ASAP1: variants seen among roughly 807,000 people sequenced by gnomAD.
The protein encoded by ASAP1 is ArfGAP with SH3 domain, ankyrin repeat and PH domain 1, also known as arf-GAP with SH3 domain, ANK repeat and PH domain-containing protein 1.
ASAP1 carries 43 observed loss-of-function variants against 145.2 expected under a neutral mutation model. The observed-to-expected ratio is 0.30, with a 90% CI of 0.23 to 0.38. The LOEUF (loss-of-function observed/expected upper bound fraction) is 0.38, where lower values mean the gene tolerates loss of function less well. Among genes scored for constraint, ASAP1 ranks in the 10% least tolerant of loss-of-function variants. The probability of loss-of-function intolerance (pLI) is 1.00; values close to 1 mark genes in which losing one functional copy is unlikely to be tolerated. For synonymous variants in ASAP1, 546 were observed against 515.5 expected (o/e 1.06, Z -0.80); for missense variants, 1,018 against 1,355.3 (o/e 0.75, Z 3.91).
intron 2 of ASAP1, among the ~76,000 whole-genome samples, chr8:130,397,384 G>A (rs139398150): frequency 0.045 from 6,842 of 152,192 alleles, 161 homozygotes; most frequent in Middle Eastern, 0.075. Context: ...CAGGTGATCC[G>A]CCAGCCTTCG....
At chr8:130,070,297 A>T (rs928333241) in intron 27 of ASAP1, among the ~76,000 whole-genome samples, 1 of 152,086 alleles carries the variant, frequency 6.6e-6, no homozygotes, top group African/African-American at 2.4e-5. Context: ...TTGGCCTCTC[A>T]AAGTGCTGGG....
chr8:130,377,780 C>T (rs866938007), intron 2 of ASAP1, among the ~76,000 whole-genome samples: 5 of 152,198 alleles, frequency 3.3e-5, no homozygotes, highest in Admixed American at 2.6e-4. Flanking sequence ...CCGGCTGTGT[C>T]TCAGGGTGCT....
chr8:130,242,280 A>C (rs1296380786), intron 3 of ASAP1, among the ~76,000 whole-genome samples: 47 of 150,786 alleles, frequency 3.1e-4, no homozygotes, highest in Non-Finnish European at 2.1e-4. Context: ...AAAAAAAAAA[A>C]AAACAACTTT....
chr8:130,223,073 G>A (rs1277818889), intron 4 of ASAP1, among the ~76,000 whole-genome samples: 1 of 152,186 alleles, frequency 6.6e-6, no homozygotes, highest in African/African-American at 2.4e-5. Context: ...CCACTAAGAG[G>A]TAAAGGTGTC....
At chr8:130,309,294 A>C (rs927350832) in intron 3 of ASAP1, among the ~76,000 whole-genome samples, 2 of 152,242 alleles carry the variant, frequency 1.3e-5, no homozygotes, top group African/African-American at 4.8e-5. Context: ...AATAAGTACT[A>C]AGACAGAGGT....
At chr8:130,132,805 GTCTT>G (rs1472906406) in intron 15 of ASAP1, among the ~76,000 whole-genome samples, 2 of 151,488 alleles carry the variant, frequency 1.3e-5, no homozygotes, top group African/African-American at 2.4e-5. Context: ...CTTTTCCTTT[GTCTT>G]TCTACCTTCT....
intron 8 of ASAP1, 129 bp from the exon 9 acceptor site, chr8:130,179,478 TAGAGAATGCTG>T (rs904198059): frequency 1.8e-6 from 1 of 544,020 alleles, no homozygotes; most frequent in African/African-American, 1.9e-5. Flanking sequence ...TTAGACAGTT[TAGAGAATGCTG>T]ATTTCGCAGT....
intron 15 of ASAP1, among the ~76,000 whole-genome samples, chr8:130,129,102 G>A (rs1355140183): frequency 6.6e-6 from 1 of 152,106 alleles, no homozygotes; most frequent in Non-Finnish European, 1.5e-5. Flanking sequence ...TTCCCTCTTT[G>A]CTCCACACAC....
At chr8:130,248,373 GAAC>G (rs1226931656) in intron 3 of ASAP1, among the ~76,000 whole-genome samples, 1 of 152,150 alleles carries the variant, frequency 6.6e-6, no homozygotes, top group East Asian at 1.9e-4. Context: ...AGTAGACAGA[GAAC>G]AACCACGTGC....
At chr8:130,413,341 T>A in intron 1 of ASAP1, among the ~76,000 whole-genome samples, 1 of 152,336 alleles carries the variant, frequency 6.6e-6, no homozygotes, top group South Asian at 2.1e-4. Context: ...CCAATTAACA[T>A]CAGCCCACTT....
At chr8:130,104,954 G>A (rs2097534551) in intron 24 of ASAP1, among the ~76,000 whole-genome samples, 1 of 152,148 alleles carries the variant, frequency 6.6e-6, no homozygotes, top group Non-Finnish European at 1.5e-5. Context: ...ATTCTAAGCT[G>A]CCACATAGGA....
intron 10 of ASAP1, among the ~76,000 whole-genome samples, chr8:130,167,887 A>C (rs1217288989): frequency 6.6e-6 from 1 of 152,226 alleles, no homozygotes; most frequent in African/African-American, 2.4e-5. Context: ...TATTCTAAAC[A>C]GCTTATATCA....
At chr8:130,344,934 G>T (rs896479642) in intron 3 of ASAP1, among the ~76,000 whole-genome samples, 2 of 152,078 alleles carry the variant, frequency 1.3e-5, no homozygotes, top group African/African-American at 2.4e-5. Flanking sequence ...AGTCCTAAAG[G>T]TATTGTTTTA....
At chr8:130,350,286 T>TAA (rs1259271231) in intron 3 of ASAP1, among the ~76,000 whole-genome samples, 1 of 152,192 alleles carries the variant, frequency 6.6e-6, no homozygotes, top group African/African-American at 2.4e-5. Context: ...ACAACCCTGT[T>TAA]AAACAGCAGA....
At chr8:130,307,124 C>G (rs1197205154) in intron 3 of ASAP1, among the ~76,000 whole-genome samples, 1 of 152,144 alleles carries the variant, frequency 6.6e-6, no homozygotes, top group Non-Finnish European at 1.5e-5. Flanking sequence ...TTATCAGTAC[C>G]TGAACTTAAT....
intron 12 of ASAP1, among the ~76,000 whole-genome samples, chr8:130,156,108 C>A (rs1175363205): frequency 6.6e-6 from 1 of 152,174 alleles, no homozygotes; most frequent in Non-Finnish European, 1.5e-5. Flanking sequence ...ATAATTGCCT[C>A]TGGTCCATAA....
At chr8:130,100,345 T>C (rs1202485215) in intron 24 of ASAP1, among the ~76,000 whole-genome samples, 3 of 152,128 alleles carry the variant, frequency 2.0e-5, no homozygotes, top group Non-Finnish European at 1.5e-5. Flanking sequence ...TTTCTTTTTT[T>C]TGAGACGGAG....
chr8:130,219,084 T>G (rs895483593), intron 4 of ASAP1, among the ~76,000 whole-genome samples: 1 of 152,162 alleles, frequency 6.6e-6, no homozygotes, highest in African/African-American at 2.4e-5. Context: ...GTCTGGCATG[T>G]GGCATGTGCC....
At chr8:130,329,537 T>G (rs186718341) in intron 3 of ASAP1, among the ~76,000 whole-genome samples, 2 of 152,162 alleles carry the variant, frequency 1.3e-5, no homozygotes, top group South Asian at 2.1e-4. Context: ...GTGGCATGGG[T>G]GGGTGGCTAT....
Sources: gnomAD v4.1 joint callset for allele counts (sites outside exome capture counted in the v4.1 genomes callset) on GRCh38, gnomAD v4.1.1 for gene constraint, MANE v1.5 for transcripts, NCBI Gene and HGNC (gene_info 2026-07-23, HGNC 2026-07-21) for gene names.